KDM5A: variants seen among roughly 807,000 people sequenced by gnomAD.
KDM5A encodes lysine-specific demethylase 5A.
KDM5A carries 42 observed loss-of-function variants against 193.5 expected under a neutral mutation model. The observed-to-expected ratio is 0.22, with a 90% CI of 0.17 to 0.28. The LOEUF (loss-of-function observed/expected upper bound fraction) is 0.28. KDM5A is among the 10% of genes least tolerant of loss of function. The pLI, the probability that KDM5A is intolerant of heterozygous loss-of-function variation, is 1.00. For missense variants in KDM5A, 1,692 were observed against 2,055.1 expected (o/e 0.82, Z 3.42); for synonymous variants, 796 against 718.1 (o/e 1.11, Z -1.73).
At position 283,277 on chromosome 12, in the gene KDM5A, C is replaced by G. The variant is rs1340600004; in HGVS notation, c.*2179G>C. 1 of 231,790 alleles carries G rather than the reference C, an allele frequency of 4.3e-6. No individual in the cohort carries two copies. Among genetic ancestry groups the G allele is most frequent in the African/African-American group, 2.2e-5 (1 of 45,252 alleles). 14.4% of individuals were successfully genotyped at this position (231,790 alleles called of 1,614,324 possible). A position where few individuals can be genotyped will look rare whatever the true frequency, so the allele number is the denominator to read the frequency against. On this transcript the variant is annotated 3_prime_UTR_variant, in exon 28 of 28. Coordinates refer to ENST00000399788, the MANE Select transcript of KDM5A (RefSeq NM_001042603.3). ...TTGTGCTTTCTTGTATAACATCAAC[C>G]AGAGGAAATTCTTAATTGATAATCG...
rs1343490466 is a variant in KDM5A, at chr12:283,262, T to C, written c.*2194A>G. On this transcript the variant is annotated 3_prime_UTR_variant, in exon 28 of 28. Coordinates refer to ENST00000399788, the MANE Select transcript of KDM5A (RefSeq NM_001042603.3). Reference sequence around the variant, plus strand: ...AACAGGCAAAAAATATTGTGCTTTCTTGTATAACATCAACCAGAGGAAATT... The same window carrying C: ...AACAGGCAAAAAATATTGTGCTTTCCTGTATAACATCAACCAGAGGAAATT... 8.6e-6 allele frequency: 2 copies of C among 231,894 alleles called. No individual in the cohort carries two copies. The allele number at this position is 231,894 out of a possible 1,614,324, so 14.4% of individuals were successfully genotyped here.
At chr12:342,489 T>G (rs2137436597) in intron 10 of KDM5A, among the ~76,000 whole-genome samples, 1 of 152,146 alleles carries the variant, frequency 6.6e-6, no homozygotes. Flanking sequence ...AGACAGAGTC[T>G]TGCTCTGTCG....
intron 19 of KDM5A, among the ~76,000 whole-genome samples, chr12:314,706 G>T (rs1364898622): frequency 6.6e-6 from 1 of 152,140 alleles, no homozygotes; most frequent in Non-Finnish European, 1.5e-5. Flanking sequence ...GGGGCCAGGG[G>T]CAGGGTAGGG....
intron 10 of KDM5A, among the ~76,000 whole-genome samples, chr12:340,887 T>C (rs988897951): frequency 6.6e-6 from 1 of 152,122 alleles, no homozygotes; most frequent in Non-Finnish European, 1.5e-5. Flanking sequence ...GGTCAAAAGC[T>C]GCTCCTATCT....
intron 10 of KDM5A, among the ~76,000 whole-genome samples, chr12:347,410 T>C (rs1379753076): frequency 1.3e-5 from 2 of 152,178 alleles, no homozygotes; most frequent in Admixed American, 1.3e-4. Flanking sequence ...TGGAAAAAAC[T>C]ACTTTAAAGT....
chr12:343,176 G>A (rs569661915), intron 10 of KDM5A, among the ~76,000 whole-genome samples: 4 of 152,294 alleles, frequency 2.6e-5, no homozygotes, highest in Non-Finnish European at 2.9e-5. Flanking sequence ...CACTGCTAGC[G>A]CAGCAGTCTG....
intron 27 of KDM5A, among the ~76,000 whole-genome samples, chr12:289,253 A>C (rs1221698853): frequency 6.6e-6 from 1 of 152,164 alleles, no homozygotes; most frequent in Non-Finnish European, 1.5e-5. Flanking sequence ...TACTACTTAA[A>C]TTAGTAGCCT....
intron 27 of KDM5A, among the ~76,000 whole-genome samples, chr12:289,907 CTTTT>C (rs750918968): frequency 1.1e-4 from 11 of 99,656 alleles, no homozygotes; most frequent in East Asian, 4.4e-4. Context: ...TTCTTTCTTT[CTTTT>C]TTTTTTTTTT....
At chr12:367,221 T>TAATC (rs1466797709) in intron 3 of KDM5A, among the ~76,000 whole-genome samples, 3 of 152,142 alleles carry the variant, frequency 2.0e-5, no homozygotes, top group African/African-American at 7.2e-5. Flanking sequence ...TTTCTCCTAT[T>TAATC]TGATTGAGTA....
intron 3 of KDM5A, among the ~76,000 whole-genome samples, chr12:381,748 TAA>T (rs1015818340): frequency 2.0e-5 from 3 of 152,170 alleles, no homozygotes; most frequent in African/African-American, 7.2e-5. Context: ...AATTTTTTAG[TAA>T]GAGAATTTTG....
intron 3 of KDM5A, 142 bp from the exon 4 acceptor site, chr12:366,246 T>C (rs891100682): frequency 2.0e-5 from 14 of 700,462 alleles, no homozygotes; most frequent in Non-Finnish European, 3.2e-5. Context: ...AAACTGACAC[T>C]TGTCAACATT....
At position 343,571 on chromosome 12, in the gene KDM5A, A is replaced by G. The variant is rs143084355; in HGVS notation, c.1308+7050T>C. The stretch of plus-strand genomic sequence containing the variant: ...GACGAAGCTTCCACAGGAAGCATCA[A>G]GCAGCAATATTTGCTGTTCTGCAGC... On this transcript the variant is annotated intron_variant, in intron 10 of 27. Coordinates refer to ENST00000399788, the MANE Select transcript of KDM5A (RefSeq NM_001042603.3). 8.4e-3 allele frequency among the ~76,000 whole-genome samples: 1,281 copies of G among 152,274 alleles called. 24 individuals carry two copies. Among genetic ancestry groups the G allele is most frequent in the African/African-American group, 0.029 (1,197 of 41,558 alleles).
intron 25 of KDM5A, among the ~76,000 whole-genome samples, chr12:296,197 A>G (rs1460410076): frequency 6.6e-6 from 1 of 151,768 alleles, no homozygotes; most frequent in Non-Finnish European, 1.5e-5. Flanking sequence ...GCGCATGCCT[A>G]TAAATCCCAG....
intron 25 of KDM5A, among the ~76,000 whole-genome samples, 175 bp downstream of exon 25, chr12:296,866 A>C (rs1242060024): frequency 3.9e-5 from 6 of 152,240 alleles, no homozygotes; most frequent in African/African-American, 1.4e-4. Flanking sequence ...TGATGACAGA[A>C]AATGCAAACA....
intron 3 of KDM5A, among the ~76,000 whole-genome samples, chr12:373,808 T>A (rs1303655517): frequency 2.6e-5 from 4 of 152,216 alleles, no homozygotes; most frequent in Non-Finnish European, 5.9e-5. Flanking sequence ...TCAAAGAACA[T>A]CTTTATTTCT....
chr12:366,045 C>G lies in KDM5A; in HGVS notation c.426G>C (p.Val142=). Residue 142 remains valine (V), a synonymous_variant, in exon 4 of 28, where the codon GTG becomes GTC. Coordinates refer to ENST00000399788, the MANE Select transcript of KDM5A (RefSeq NM_001042603.3). ...MVTKEKKWSK[V]GSRLGYLPGK... is the part of the protein sequence containing the mutation. ...CTGGCAGATATCCCAAGCGACTACC[C>G]ACTTTAGACCATTTCTTCTCTTTGG... 1 of 1,613,954 alleles carries G rather than the reference C, an allele frequency of 6.2e-7. No individual in the cohort carries two copies. The highest frequency in any genetic ancestry group is 8.5e-7 in the Non-Finnish European group (1 of 1,179,822).
At chr12:340,901 A>G (rs774663470) in intron 10 of KDM5A, among the ~76,000 whole-genome samples, 9 of 152,148 alleles carry the variant, frequency 5.9e-5, no homozygotes, top group Non-Finnish European at 1.3e-4. Flanking sequence ...CCTATCTAAC[A>G]AACACACGGT....
rs899794360 is a variant in KDM5A at position 366,230 on chromosome 12, C to A, written c.367-126G>T. The A allele has an allele frequency of 4.0e-6, 3 of 754,032 alleles. No homozygotes were observed. The Admixed American group carries it at 6.9e-5, about 17-fold the overall frequency. 46.7% of individuals were successfully genotyped at this position (754,032 alleles called of 1,614,324 possible). A position where few individuals can be genotyped will look rare whatever the true frequency, so the allele number is the denominator to read the frequency against. On this transcript the variant is annotated intron_variant, in intron 3 of 27. Coordinates refer to ENST00000399788, the MANE Select transcript of KDM5A (RefSeq NM_001042603.3). ...TTTCAAATTTCCTTTCAATGAGTATCTAACCAAACTGACACTTGTCAACAT... is the reference window on the plus strand; with the variant it reads ...TTTCAAATTTCCTTTCAATGAGTATATAACCAAACTGACACTTGTCAACAT...
intron 27 of KDM5A, among the ~76,000 whole-genome samples, chr12:289,901 TTC>T (rs1246756311): frequency 1.0e-3 from 143 of 141,302 alleles, no homozygotes; most frequent in African/African-American, 3.6e-3. Flanking sequence ...GATTTTTTCT[TTC>T]TTTCTTTTTT....
Sources: gnomAD v4.1 joint callset for allele counts (sites outside exome capture counted in the v4.1 genomes callset) on GRCh38, gnomAD v4.1.1 for gene constraint, MANE v1.5 for transcripts, NCBI Gene and HGNC (gene_info 2026-07-23, HGNC 2026-07-21) for gene names.